AHCY: variants seen among roughly 807,000 people sequenced by gnomAD.
AHCY encodes the protein S-adenosyl-L-homocysteine hydrolase.
A neutral mutation model predicts 45.4 loss-of-function variants in AHCY; 24 were observed. The ratio of observed to expected loss-of-function variants is 0.53; its 90% CI spans 0.38 to 0.74. The LOEUF is 0.74. AHCY is among the 30% of genes least tolerant of loss of function. AHCY has a pLI of 0.00. For synonymous variants in AHCY, 245 were observed against 235.1 expected, an observed-to-expected ratio of 1.04 and a Z score of -0.39; for missense variants, 449 against 594.1, an observed-to-expected ratio of 0.76 and a Z score of 2.54.
At chr20:34,271,553 C>T in the AHCY span, among the ~76,000 whole-genome samples, 17 of 146,676 alleles carry the variant, frequency 1.2e-4, no homozygotes, top group African/African-American at 4.2e-4. Flanking sequence ...CATAGTGTGG[C>T]GTTGAACAAG....
intron 9 of AHCY, among the ~76,000 whole-genome samples, chr20:34,283,612 CA>C (rs1568786039): frequency 1.7e-5 from 1 of 58,938 alleles, no homozygotes; most frequent in Non-Finnish European, 6.9e-5. Flanking sequence ...GCCCTCATTT[CA>C]AAGGCCTGAC....
upstream of AHCY, among the ~76,000 whole-genome samples, chr20:34,306,042 A>G (rs1014683877): frequency 1.4e-5 from 2 of 144,874 alleles, no homozygotes; most frequent in African/African-American, 5.1e-5. Context: ...AGATTGCGCC[A>G]CCGCACTCCA....
At chr20:34,269,294 C>A in the AHCY span, 1 of 1,186,550 alleles carries the variant, frequency 8.4e-7, no homozygotes. Flanking sequence ...GATGGGACTT[C>A]AGGGAGACCT....
chr20:34,247,463 G>A, the AHCY span, among the ~76,000 whole-genome samples: 2 of 151,476 alleles, frequency 1.3e-5, no homozygotes, highest in African/African-American at 4.9e-5. Context: ...ACCACGCCCA[G>A]CTAATTTTTG....
At chr20:34,269,485 C>T in the AHCY span, 3 of 387,538 alleles carry the variant, frequency 7.7e-6, no homozygotes, top group Middle Eastern at 6.8e-4. Flanking sequence ...CTGCTGCCGA[C>T]CTGGGGGTTA....
the AHCY span, among the ~76,000 whole-genome samples, chr20:34,242,849 G>C: frequency 6.6e-6 from 1 of 152,232 alleles, no homozygotes; most frequent in Non-Finnish European, 1.5e-5. Flanking sequence ...ATGAGTGCTT[G>C]TGCAGAATGC....
the AHCY span, among the ~76,000 whole-genome samples, chr20:34,232,779 TAGTGTCAG>T: frequency 6.6e-6 from 1 of 152,186 alleles, no homozygotes; most frequent in South Asian, 2.1e-4. Flanking sequence ...ACAGAAGGCA[TAGTGTCAG>T]GCCATGTCCA....
At chr20:34,294,553 G>A (rs887119389) in intron 2 of AHCY, among the ~76,000 whole-genome samples, 1 of 152,134 alleles carries the variant, frequency 6.6e-6, no homozygotes, top group Non-Finnish European at 1.5e-5. Context: ...AGGGAGTTGG[G>A]AGTGGGGAGG....
At chr20:34,252,288 T>C in the AHCY span, among the ~76,000 whole-genome samples, 1 of 152,216 alleles carries the variant, frequency 6.6e-6, no homozygotes, top group Non-Finnish European at 1.5e-5. Flanking sequence ...CCTCAGTATT[T>C]ATTGATTATT....
At chr20:34,263,062 C>A in the AHCY span, among the ~76,000 whole-genome samples, 1 of 152,150 alleles carries the variant, frequency 6.6e-6, no homozygotes, top group African/African-American at 2.4e-5. Context: ...CTGAGCCAGA[C>A]ACCCACAGAA....
chr20:34,301,975 T>C, intron 1 of AHCY: 4 of 984,694 alleles, frequency 4.1e-6, no homozygotes, highest in Non-Finnish European at 4.8e-6. Flanking sequence ...TGGATGGCAT[T>C]CTCCAGACTT....
chr20:34,254,987 CCCCTAGGAT>C, the AHCY span, among the ~76,000 whole-genome samples: 1 of 152,278 alleles, frequency 6.6e-6, no homozygotes, highest in Non-Finnish European at 1.5e-5. Context: ...CTTAAACTAA[CCCCTAGGAT>C]TCACTTTTCC....
chr20:34,279,855 G>A (rs2035950608), downstream of AHCY, among the ~76,000 whole-genome samples: 1 of 152,012 alleles, frequency 6.6e-6, no homozygotes, highest in South Asian at 2.1e-4. Flanking sequence ...CGGGCACAGT[G>A]GCTCACGCCT....
intron 1 of AHCY, among the ~76,000 whole-genome samples, chr20:34,298,618 G>C (rs933180370): frequency 7.2e-6 from 1 of 139,286 alleles, no homozygotes; most frequent in Non-Finnish European, 1.6e-5. Flanking sequence ...GAGGGGGGGG[G>C]GTGTCTCCCT....
the AHCY span, among the ~76,000 whole-genome samples, chr20:34,274,172 G>A: frequency 6.6e-6 from 1 of 152,312 alleles, no homozygotes; most frequent in African/African-American, 2.4e-5. Flanking sequence ...CGAGGCCTGT[G>A]TGGTCTGCAG....
At position 34,301,301 on chromosome 20, in the gene AHCY, A is replaced by T. The variant is rs571127782; in HGVS notation, c.28+1942T>A. On this transcript the variant is annotated intron_variant, in intron 1 of 9. Transcript: ENST00000217426. ...CTAAGCTCCACCCCTCCACCACCAC[A>T]TGTCCCTCCAGCTAAAAATAACTCC... 2.0e-5 allele frequency among the ~76,000 whole-genome samples: 3 copies of T among 151,798 alleles called. No individual in the cohort carries two copies. In the South Asian group the frequency reaches 6.2e-4, roughly 32 times the overall value.
the AHCY span, chr20:34,246,059 C>T: frequency 1.1e-6 from 1 of 891,448 alleles, no homozygotes; most frequent in Non-Finnish European, 1.9e-6. Context: ...CGAATAATTT[C>T]ATCCTCCCCA....
chr20:34,235,363 C>A, the AHCY span, among the ~76,000 whole-genome samples: 1 of 152,094 alleles, frequency 6.6e-6, no homozygotes, highest in Non-Finnish European at 1.5e-5. Flanking sequence ...TCGCTTGAAG[C>A]GGGGAGGCGG....
chr20:34,263,764 G>A, the AHCY span, among the ~76,000 whole-genome samples: 3 of 151,200 alleles, frequency 2.0e-5, no homozygotes, highest in Non-Finnish European at 4.4e-5. Context: ...CACCTGGCGA[G>A]TTCAAGCGAT....
Sources: gnomAD v4.1 joint callset for allele counts (sites outside exome capture counted in the v4.1 genomes callset) on GRCh38, gnomAD v4.1.1 for gene constraint, MANE v1.5 for transcripts, NCBI Gene and HGNC (gene_info 2026-07-23, HGNC 2026-07-21) for gene names.